AGT: variants seen among roughly 807,000 people sequenced by gnomAD.
The protein encoded by AGT is alpha-1 antiproteinase, antitrypsin.
Under a neutral mutation model 28.1 loss-of-function variants are expected in AGT, and 26 were observed. The ratio of observed to expected loss-of-function variants is 0.92; its 90% CI spans 0.68 to 1.28. The LOEUF is 1.28. Ranked by LOEUF, AGT falls within the 50% of genes most tolerant of loss-of-function variation. The pLI is 0.00. For missense variants in AGT, 596 were observed against 592.3 expected, an observed-to-expected ratio of 1.01 and a Z score of -0.06; for synonymous variants, 259 against 259.6, an observed-to-expected ratio of 1.00 and a Z score of 0.02.
chr1:230,734,987 T>G (rs1664131316), intron 1 of AGT, among the ~76,000 whole-genome samples: 1 of 152,150 alleles, frequency 6.6e-6, no homozygotes, highest in Non-Finnish European at 1.5e-5. Flanking sequence ...GTGCTGGGAT[T>G]ACAGATGTGA....
chr1:230,729,096 C>G (rs1365358716), intron 1 of AGT, among the ~76,000 whole-genome samples: 1 of 152,116 alleles, frequency 6.6e-6, no homozygotes, highest in East Asian at 1.9e-4. Context: ...GCCACCTGAC[C>G]CTCTCCCCTG....
chr1:230,718,317 A>G (rs1261471524), upstream of AGT, among the ~76,000 whole-genome samples: 1 of 152,102 alleles, frequency 6.6e-6, no homozygotes, highest in Non-Finnish European at 1.5e-5. Flanking sequence ...TGATATGAAG[A>G]TAGTAAAATG....
intron 4 of AGT, among the ~76,000 whole-genome samples, chr1:230,703,859 G>A (rs1212637171): frequency 6.6e-6 from 1 of 152,162 alleles, no homozygotes; most frequent in East Asian, 1.9e-4. Flanking sequence ...CTGGGCCCAG[G>A]GCACCAGGTC....
At chr1:230,736,087 G>T (rs1018312315) in intron 1 of AGT, among the ~76,000 whole-genome samples, 5 of 152,004 alleles carry the variant, frequency 3.3e-5, no homozygotes, top group Admixed American at 2.6e-4. Flanking sequence ...AAACACATAG[G>T]CTGATTAATA....
At chr1:230,706,265 G>A (rs538293106) in intron 2 of AGT, 65 bp from the exon 3 acceptor site, 9 of 1,565,404 alleles carry the variant, frequency 5.7e-6, no homozygotes, top group Non-Finnish European at 7.8e-6. Context: ...ATGAGGGCTG[G>A]CAGACACCAA....
chr1:230,710,456 G>A lies in AGT; in HGVS notation c.368C>T (p.Thr123Ile). The A allele has an allele frequency of 6.2e-7, 1 of 1,614,232 alleles. No homozygotes were observed. The highest frequency in any genetic ancestry group is 8.5e-7 in the Non-Finnish European group (1 of 1,180,040). The change falls in exon 2 of 5, where the codon ACC becomes ATC. Residue 123 changes from threonine to isoleucine, a missense_variant. Transcript: ENST00000366667. ...AAAGACAGCCGTTGGGGAGAGGACGGTGGCCCCATGGACCACGCCCCATAG... is the reference window on the plus strand; with the variant it reads ...AAAGACAGCCGTTGGGGAGAGGACGATGGCCCCATGGACCACGCCCCATAG... ...SELWGVVHGA[T>I]VLSPTAVFGT...
At chr1:230,722,418 T>C (rs1663865520) in intron 1 of AGT, among the ~76,000 whole-genome samples, 1 of 152,100 alleles carries the variant, frequency 6.6e-6, no homozygotes, top group Admixed American at 6.5e-5. Context: ...CACTGCCTAG[T>C]GGAACTGTGA....
At chr1:230,707,621 G>A (rs185388993) in intron 2 of AGT, among the ~76,000 whole-genome samples, 36 of 152,334 alleles carry the variant, frequency 2.4e-4, no homozygotes, top group African/African-American at 7.7e-4. Context: ...AAACTGCAGG[G>A]TTCCCCTTGC....
intron 1 of AGT, among the ~76,000 whole-genome samples, chr1:230,743,225 A>G (rs1664280477): frequency 6.6e-6 from 1 of 152,070 alleles, no homozygotes; most frequent in Non-Finnish European, 1.5e-5. Flanking sequence ...TCCTGACTTC[A>G]GGTGACCCAT....
At chr1:230,717,205 C>T (rs1663754470), upstream of AGT, among the ~76,000 whole-genome samples, 1 of 151,754 alleles carries the variant, frequency 6.6e-6, no homozygotes, top group South Asian at 2.1e-4. Context: ...AATGGAGTCT[C>T]TTATGTCTTC....
intron 2 of AGT, among the ~76,000 whole-genome samples, chr1:230,708,064 C>T (rs1478708259): frequency 6.6e-6 from 1 of 152,182 alleles, no homozygotes; most frequent in East Asian, 1.9e-4. Context: ...GAGACAGCCC[C>T]CGATCTCCTC....
At chr1:230,719,357 T>A (rs972305971), upstream of AGT, among the ~76,000 whole-genome samples, 1 of 151,920 alleles carries the variant, frequency 6.6e-6, no homozygotes, top group African/African-American at 2.4e-5. Flanking sequence ...GGAAATTTTG[T>A]GATTGCAGCA....
rs767078016 is a variant in AGT, at chr1:230,702,627, C to T, written c.*514G>A. 1.7e-4 allele frequency: 27 copies of T among 161,098 alleles called. No homozygotes were observed. The highest frequency in any genetic ancestry group is 3.3e-4 in the Non-Finnish European group (24 of 72,410). The allele number at this position is 161,098 out of a possible 1,614,324, so 10.0% of individuals were successfully genotyped here. On this transcript the variant is annotated 3_prime_UTR_variant, in exon 5 of 5. Transcript: ENST00000366667. Reference sequence around the variant, plus strand: ...GAAATTCAGGTGCTTGCATCTTTCACGTATTGTTCAAAAATCACAAGCATC... The same window carrying T: ...GAAATTCAGGTGCTTGCATCTTTCATGTATTGTTCAAAAATCACAAGCATC...
chr1:230,743,194 T>C (rs1237313531), intron 1 of AGT, among the ~76,000 whole-genome samples: 4 of 152,176 alleles, frequency 2.6e-5, no homozygotes, highest in Non-Finnish European at 4.4e-5. Flanking sequence ...TTTTACCATG[T>C]TGGCCAGGCT....
intron 1 of AGT, among the ~76,000 whole-genome samples, chr1:230,722,922 C>T (rs1663875152): frequency 6.6e-6 from 1 of 152,112 alleles, no homozygotes; most frequent in African/African-American, 2.4e-5. Flanking sequence ...TCTGAAAAGG[C>T]ATGAGATTTG....
intron 1 of AGT, among the ~76,000 whole-genome samples, chr1:230,739,901 A>G (rs12045511): frequency 0.26 from 39,655 of 152,092 alleles, 5,730 homozygotes; most frequent in East Asian, 0.52. Flanking sequence ...CTCACGCAAG[A>G]AAGAATTCAG....
intron 1 of AGT, among the ~76,000 whole-genome samples, chr1:230,713,425 G>A (rs545018352): frequency 2.6e-5 from 4 of 152,260 alleles, no homozygotes; most frequent in Admixed American, 6.5e-5. Context: ...TGTCATCCAC[G>A]AGCTGAAGCA....
At position 230,702,796 on chromosome 1, in the gene AGT, CT is replaced by C. The variant is rs1663269269; in HGVS notation, c.*344del. On this transcript the variant is annotated 3_prime_UTR_variant, in exon 5 of 5. Coordinates refer to ENST00000366667, the MANE Select transcript of AGT (RefSeq NM_001384479.1). ...TTGTTCTCAACTTGAAAAGGGAACA[CT>C]TTTTTGTTTCACAAACAAGCTGGTC... The C allele has an allele frequency of 1.0e-5, 3 of 291,832 alleles. No homozygotes were observed. The highest frequency in any genetic ancestry group is 2.1e-5 in the African/African-American group (1 of 47,308). The allele number at this position is 291,832 out of a possible 1,614,324, so 18.1% of individuals were successfully genotyped here.
intron 4 of AGT, 137 bp downstream of exon 4, chr1:230,704,056 C>A: frequency 7.5e-7 from 1 of 1,329,874 alleles, no homozygotes; most frequent in Admixed American, 1.9e-5. Flanking sequence ...ACTTCTCTCC[C>A]ACCTTTGGCC....
Sources: allele counts gnomAD v4.1 joint callset (sites outside exome capture counted in the v4.1 genomes callset), GRCh38; gene constraint gnomAD v4.1.1; transcripts MANE v1.5; gene names NCBI Gene and HGNC (gene_info 2026-07-23, HGNC 2026-07-21).